The following CLECL1 variants were observed in gnomAD, a reference collection of about 807,000 sequenced individuals.
CLECL1 encodes the protein C-type lectin like 1, also known as C-type lectin-like domain family 1.
chr12:9,702,351 C>T, the CLECL1 span, among the ~76,000 whole-genome samples: 1 of 152,198 alleles, frequency 6.6e-6, no homozygotes, highest in East Asian at 1.9e-4. Flanking sequence ...AACTGCTTCT[C>T]TCTGACATCC....
chr12:9,709,761 A>G, the CLECL1 span, among the ~76,000 whole-genome samples: 1 of 152,124 alleles, frequency 6.6e-6, no homozygotes, highest in Admixed American at 6.5e-5. Context: ...AGAAGCACAC[A>G]CTTTCAGGTG....
At chr12:9,733,086 T>C (rs144269074), upstream of CLECL1, 456 of 1,609,836 alleles carry the variant, frequency 2.8e-4, no homozygotes, top group Non-Finnish European at 3.6e-4. Flanking sequence ...GAAGGGACAA[T>C]CATATTTCTG....
intron 1 of CLECL1, among the ~76,000 whole-genome samples, chr12:9,731,616 A>C (rs1866448379): frequency 6.6e-6 from 1 of 152,244 alleles, no homozygotes. Context: ...CTAACACCAC[A>C]CGTATACAGC....
At chr12:9,713,125 T>C (rs777069994), downstream of CLECL1, among the ~76,000 whole-genome samples, 2 of 152,330 alleles carry the variant, frequency 1.3e-5, no homozygotes, top group East Asian at 1.9e-4. Flanking sequence ...AGCAAGCAGG[T>C]GGTACATGAT....
chr12:9,719,844 C>T (rs770058162), downstream of CLECL1, among the ~76,000 whole-genome samples: 1 of 152,318 alleles, frequency 6.6e-6, no homozygotes, highest in Non-Finnish European at 1.5e-5. Flanking sequence ...GGTGTTTAAT[C>T]TGGAGATTTG....
the CLECL1 span, among the ~76,000 whole-genome samples, chr12:9,707,912 C>A: frequency 2.0e-5 from 3 of 152,194 alleles, no homozygotes; most frequent in Admixed American, 6.5e-5. Flanking sequence ...TTGGCTCAGT[C>A]AACAAAGATG....
chr12:9,730,834 C>T (rs1172379034), intron 1 of CLECL1, among the ~76,000 whole-genome samples: 2 of 152,040 alleles, frequency 1.3e-5, no homozygotes, highest in Non-Finnish European at 2.9e-5. Context: ...TGAATACAGG[C>T]ACGTGTCACC....
At chr12:9,726,611 A>C (rs1866382850) in intron 3 of CLECL1, among the ~76,000 whole-genome samples, 1 of 151,974 alleles carries the variant, frequency 6.6e-6, no homozygotes, top group South Asian at 2.1e-4. Flanking sequence ...TACATATTTT[A>C]AGTCCATTTT....
intron 3 of CLECL1, among the ~76,000 whole-genome samples, chr12:9,724,710 A>C (rs1177230669): frequency 1.3e-5 from 2 of 151,534 alleles, no homozygotes; most frequent in Non-Finnish European, 2.9e-5. Context: ...ATTGAAACAT[A>C]TGACATATTT....
the CLECL1 span, among the ~76,000 whole-genome samples, chr12:9,710,069 GT>G: frequency 6.6e-6 from 1 of 152,290 alleles, no homozygotes; most frequent in East Asian, 1.9e-4. Context: ...ATTTGCTCCT[GT>G]GCAAGGTTTC....
downstream of CLECL1, chr12:9,722,359 T>A (rs1192559494): frequency 1.2e-5 from 4 of 343,692 alleles, no homozygotes; most frequent in African/African-American, 2.1e-5. Flanking sequence ...GCTGAGATCA[T>A]ATACTCAATT....
At chr12:9,715,473 G>A (rs1203487191), downstream of CLECL1, among the ~76,000 whole-genome samples, 1 of 152,116 alleles carries the variant, frequency 6.6e-6, no homozygotes, top group Non-Finnish European at 1.5e-5. Context: ...ACTTTGTACT[G>A]GGTGTTACTA....
chr12:9,716,513 A>G (rs1866240821), exon 3 of CLECL1: 1 of 219,218 alleles, frequency 4.6e-6, no homozygotes, highest in South Asian at 5.8e-5. Context: ...ATCTCCAGAT[A>G]ATTCTATTGA....
intron 3 of CLECL1, among the ~76,000 whole-genome samples, chr12:9,723,454 ACACACG>A (rs71445294): frequency 0.53 from 80,087 of 151,446 alleles, 21,393 homozygotes; most frequent in Middle Eastern, 0.6. Context: ...ACACACACAC[ACACACG>A]CACGCACACA....
chr12:9,730,536 TA>T (rs1866434742), intron 1 of CLECL1, among the ~76,000 whole-genome samples: 1 of 152,230 alleles, frequency 6.6e-6, no homozygotes, highest in African/African-American at 2.4e-5. Flanking sequence ...TGCTATTAAT[TA>T]AAACATCTTT....
chr12:9,702,224 G>A, the CLECL1 span, among the ~76,000 whole-genome samples: 2 of 152,170 alleles, frequency 1.3e-5, no homozygotes, highest in Non-Finnish European at 2.9e-5. Context: ...AGGGATGGAA[G>A]TGGCTCTCAG....
chr12:9,710,069 G>A, the CLECL1 span, among the ~76,000 whole-genome samples: 3 of 152,172 alleles, frequency 2.0e-5, no homozygotes, highest in East Asian at 5.8e-4. Flanking sequence ...ATTTGCTCCT[G>A]TGCAAGGTTT....
chr12:9,704,736 T>C, the CLECL1 span, among the ~76,000 whole-genome samples: 3 of 152,194 alleles, frequency 2.0e-5, no homozygotes, highest in Admixed American at 6.5e-5. Context: ...GCAAAGGACA[T>C]GATCTTGTTC....
At chr12:9,706,263 T>C in the CLECL1 span, among the ~76,000 whole-genome samples, 1 of 152,228 alleles carries the variant, frequency 6.6e-6, no homozygotes, top group Non-Finnish European at 1.5e-5. Flanking sequence ...TGGGCTGAGA[T>C]GATGGGACTT....
Sources: allele counts gnomAD v4.1 joint callset (sites outside exome capture counted in the v4.1 genomes callset), GRCh38; gene constraint gnomAD v4.1.1; transcripts MANE v1.5; gene names NCBI Gene and HGNC (gene_info 2026-07-23, HGNC 2026-07-21).